Variants in ADAMTSL1 observed in about 807,000 individuals in gnomAD.
ADAMTSL1 encodes the protein ADAMTS like 1, also known as ADAMTS-like protein 1.
In ADAMTSL1, 126 loss-of-function variants were observed where a neutral mutation model predicts 201.8. The observed-to-expected ratio is 0.62, with a 90% CI of 0.54 to 0.72. The LOEUF is 0.72. Among genes scored for constraint, ADAMTSL1 ranks in the 30% least tolerant of loss-of-function variants. ADAMTSL1 has a pLI of 0.00. For synonymous variants in ADAMTSL1, 1,121 were observed against 903.4 expected, an observed-to-expected ratio of 1.24 and a Z score of -4.32; for missense variants, 2,679 against 2,277.8, an observed-to-expected ratio of 1.18 and a Z score of -3.59.
chr9:18,212,655 A>T (rs1829921145), intron 2 of ADAMTSL1, among the ~76,000 whole-genome samples: 1 of 152,144 alleles, frequency 6.6e-6, no homozygotes, highest in African/African-American at 2.4e-5. Flanking sequence ...CCGTTGTAAA[A>T]ATGTATACAT....
At chr9:18,518,702 C>A (rs377093059) in intron 2 of ADAMTSL1, among the ~76,000 whole-genome samples, 1 of 151,946 alleles carries the variant, frequency 6.6e-6, no homozygotes, top group African/African-American at 2.4e-5. Flanking sequence ...ATATGGTTTT[C>A]TTTTCTTTTT....
chr9:18,341,249 T>A (rs1835453615), intron 2 of ADAMTSL1, among the ~76,000 whole-genome samples: 1 of 152,144 alleles, frequency 6.6e-6, no homozygotes, highest in Non-Finnish European at 1.5e-5. Flanking sequence ...ATACTCCTCT[T>A]TCAGGCTCTC....
intron 2 of ADAMTSL1, among the ~76,000 whole-genome samples, chr9:18,366,021 A>C (rs1836751888): frequency 6.6e-6 from 1 of 152,188 alleles, no homozygotes. Context: ...GTCTTTCACG[A>C]AACCAGTCTC....
chr9:18,800,301 C>T (rs960704251), intron 20 of ADAMTSL1, among the ~76,000 whole-genome samples: 12 of 139,068 alleles, frequency 8.6e-5, no homozygotes, highest in Admixed American at 5.6e-4. Context: ...CGCTTGAACC[C>T]GGGAGGTAGA....
At chr9:18,794,533 C>T (rs921688765) in intron 19 of ADAMTSL1, among the ~76,000 whole-genome samples, 5 of 152,090 alleles carry the variant, frequency 3.3e-5, no homozygotes, top group Non-Finnish European at 7.4e-5. Flanking sequence ...GAATTTCCTT[C>T]AAATATGTGT....
At chr9:18,755,375 A>G (rs573655501) in intron 16 of ADAMTSL1, among the ~76,000 whole-genome samples, 20 of 152,346 alleles carry the variant, frequency 1.3e-4, no homozygotes, top group African/African-American at 4.8e-4. Context: ...TATTAGGTAC[A>G]TAAGTTATGG....
chr9:18,258,181 A>G (rs1339038555), intron 2 of ADAMTSL1, among the ~76,000 whole-genome samples: 2 of 152,256 alleles, frequency 1.3e-5, no homozygotes, highest in Admixed American at 1.3e-4. Context: ...TAAATTGTAC[A>G]CTTAAAAATA....
intron 15 of ADAMTSL1, among the ~76,000 whole-genome samples, chr9:18,726,749 A>C (rs1221714223): frequency 6.6e-6 from 1 of 152,204 alleles, no homozygotes; most frequent in Non-Finnish European, 1.5e-5. Context: ...AATTCCAAGC[A>C]ATTTCTGCAG....
chr9:18,492,068 CATTT>C (rs917156896), intron 1 of ADAMTSL1, among the ~76,000 whole-genome samples: 1 of 152,150 alleles, frequency 6.6e-6, no homozygotes, highest in Non-Finnish European at 1.5e-5. Flanking sequence ...AACTGACTCT[CATTT>C]ATTATTGATA....
intron 20 of ADAMTSL1, among the ~76,000 whole-genome samples, chr9:18,815,785 G>C (rs1823811454): frequency 6.6e-6 from 1 of 151,070 alleles, no homozygotes; most frequent in South Asian, 2.1e-4. Context: ...GATAAACCCG[G>C]AGGTTATTAT....
intron 15 of ADAMTSL1, among the ~76,000 whole-genome samples, chr9:18,721,928 C>T (rs1223411988): frequency 1.3e-5 from 2 of 152,176 alleles, no homozygotes; most frequent in South Asian, 2.1e-4. Flanking sequence ...GTGTGTGCCA[C>T]GCAGTTGCTT....
At chr9:18,240,101 G>A (rs1831005122) in intron 2 of ADAMTSL1, among the ~76,000 whole-genome samples, 1 of 152,118 alleles carries the variant, frequency 6.6e-6, no homozygotes, top group South Asian at 2.1e-4. Flanking sequence ...CTTTCCAGAA[G>A]GTTTTCCACT....
At chr9:18,451,941 G>T (rs747665345) in intron 2 of ADAMTSL1, among the ~76,000 whole-genome samples, 9 of 152,156 alleles carry the variant, frequency 5.9e-5, no homozygotes, top group Admixed American at 1.3e-4. Flanking sequence ...ACCGAGTTTC[G>T]CTTTTGTTTC....
intron 20 of ADAMTSL1, among the ~76,000 whole-genome samples, chr9:18,816,627 T>G (rs1823865004): frequency 6.6e-6 from 1 of 151,834 alleles, no homozygotes. Flanking sequence ...TAAAACATGA[T>G]GTCGAGGATT....
intron 2 of ADAMTSL1, among the ~76,000 whole-genome samples, chr9:18,368,455 T>A (rs780950598): frequency 6.6e-6 from 1 of 152,216 alleles, no homozygotes; most frequent in Non-Finnish European, 1.5e-5. Flanking sequence ...AAGTACAGCA[T>A]GTACGGCCAT....
intron 1 of ADAMTSL1, among the ~76,000 whole-genome samples, chr9:17,916,753 T>C (rs1826111017): frequency 6.6e-6 from 1 of 152,214 alleles, no homozygotes; most frequent in Admixed American, 6.5e-5. Context: ...TTGTTCTTCA[T>C]ATTTCAAGGA....
intron 1 of ADAMTSL1, among the ~76,000 whole-genome samples, chr9:18,080,665 C>A (rs1315824045): frequency 6.6e-6 from 1 of 152,190 alleles, no homozygotes; most frequent in Non-Finnish European, 1.5e-5. Flanking sequence ...CTTTATGAGA[C>A]AAACCCACTA....
chr9:17,946,072 G>A (rs1034608486), intron 1 of ADAMTSL1, among the ~76,000 whole-genome samples: 3 of 1,180 alleles, frequency 2.5e-3, no homozygotes, highest in South Asian at 0.11. Flanking sequence ...GTGTGTGTGT[G>A]TGTGTGTGTG....
At chr9:18,300,964 A>C (rs1302293244) in intron 2 of ADAMTSL1, among the ~76,000 whole-genome samples, 3 of 152,228 alleles carry the variant, frequency 2.0e-5, no homozygotes, top group Non-Finnish European at 4.4e-5. Flanking sequence ...GGTTCAAAAA[A>C]ATTGAGCAGG....
Sources: allele counts gnomAD v4.1 joint callset (sites outside exome capture counted in the v4.1 genomes callset), GRCh38; gene constraint gnomAD v4.1.1; transcripts MANE v1.5; gene names NCBI Gene and HGNC (gene_info 2026-07-23, HGNC 2026-07-21).